Variants in SEPTIN9 observed in about 807,000 individuals in gnomAD.
SEPTIN9 encodes septin-9.
Under a neutral mutation model 56.6 loss-of-function variants are expected in SEPTIN9, and 13 were observed. The ratio of observed to expected loss-of-function variants is 0.23; its 90% CI spans 0.15 to 0.37. The LOEUF (loss-of-function observed/expected upper bound fraction) is 0.37, where lower values mean the gene tolerates loss of function less well. SEPTIN9 is among the 10% of genes least tolerant of loss of function. SEPTIN9 has a pLI of 1.00. For missense variants in SEPTIN9, 650 were observed against 823.1 expected (o/e 0.79, Z 2.57); for synonymous variants, 332 against 334.1 (o/e 0.99, Z 0.07).
rs150403514 is a variant in SEPTIN9 at position 77,291,563 on chromosome 17, C to T, written c.19+10009C>T. Among the ~76,000 whole-genome samples, 253 of 152,016 alleles carry T rather than the reference C, an allele frequency of 1.7e-3. 4 individuals are homozygous for T. In the East Asian group the frequency reaches 0.047, roughly 28 times the overall value. On this transcript the variant is annotated intron_variant, in intron 1 of 11. Coordinates refer to ENST00000427177, the MANE Select transcript of SEPTIN9 (RefSeq NM_001113491.2). Reference sequence around the variant, plus strand: ...AGGAGAATTGCTTGAATCTAGGAGGCGGGGGTTGCAGTGAGCTGAGATCGT... The same window carrying T: ...AGGAGAATTGCTTGAATCTAGGAGGTGGGGGTTGCAGTGAGCTGAGATCGT...
Position 77,425,206 on chromosome 17 carries a change from G to A in SEPTIN9, c.721+22503G>A, listed in dbSNP as rs113628642. Among the ~76,000 whole-genome samples, 11 of 152,234 alleles carry A rather than the reference G, an allele frequency of 7.2e-5. 1 individual carries two copies. Among genetic ancestry groups the A allele is most frequent in the African/African-American group, 2.4e-4 (10 of 41,530 alleles). ...AAGATGGGCCCAGCTGTGGGAGGTC[G>A]TGCGGGCTGGGGACTGAGAGTGCCG... is the stretch of plus-strand genomic sequence containing the variant. On this transcript the variant is annotated intron_variant, in intron 3 of 11. Coordinates refer to ENST00000427177, the MANE Select transcript of SEPTIN9 (RefSeq NM_001113491.2). This position sits in a 1 kb window ranked among gnomAD's most constrained non-coding sequence, Gnocchi z 4.2.
At chr17:77,464,266 C>T (rs1249085839) in intron 3 of SEPTIN9, among the ~76,000 whole-genome samples, 1 of 151,980 alleles carries the variant, frequency 6.6e-6, no homozygotes, top group Non-Finnish European at 1.5e-5. Context: ...TTAGTAGAGA[C>T]GGTGTTTCAC....
chr17:77,461,033 G>A (rs1197802361), intron 3 of SEPTIN9, among the ~76,000 whole-genome samples: 1 of 152,126 alleles, frequency 6.6e-6, no homozygotes, highest in African/African-American at 2.4e-5. Context: ...GGCTGGGCTT[G>A]GTGGCTCACA....
In SEPTIN9 at chr17:77,319,466, AG is replaced by A. The variant is rs2032822944; in HGVS notation, c.76+12271del. 1.5e-5 allele frequency: 12 copies of A among 815,930 alleles called. No homozygotes were observed. Among genetic ancestry groups the A allele is most frequent in the Non-Finnish European group, 1.8e-5 (12 of 661,888 alleles). 50.5% of individuals were successfully genotyped at this position (815,930 alleles called of 1,614,324 possible). On this transcript the variant is annotated intron_variant, in intron 2 of 11. Transcript: ENST00000427177. This position sits in a 1 kb window ranked among gnomAD's most constrained non-coding sequence, Gnocchi z 5.3. ...CATGCGTGTGTGGTAGGAATCTTCC[AG>A]GAAGTCCCCGTCCCGTTCGCCCTCT...
chr17:77,453,012 C>G lies in SEPTIN9; in HGVS notation c.722-29132C>G, dbSNP rs2038045061. On this transcript the variant is annotated intron_variant, in intron 3 of 11. Coordinates refer to ENST00000427177, the MANE Select transcript of SEPTIN9 (RefSeq NM_001113491.2). This position sits in a 1 kb window ranked among gnomAD's most constrained non-coding sequence, Gnocchi z 4.4. ...CTGGAGACCTGAGTTGCTGCTGACT[C>G]CCAGCTTGCCCCTTCTGTCCCCTGG... 6.6e-6 allele frequency among the ~76,000 whole-genome samples: 1 copy of G among 151,582 alleles called. No individual in the cohort carries two copies. The highest frequency in any genetic ancestry group is 2.4e-5 in the African/African-American group (1 of 41,168).
chr17:77,443,327 G>A (rs1358838740), intron 3 of SEPTIN9, among the ~76,000 whole-genome samples: 1 of 152,166 alleles, frequency 6.6e-6, no homozygotes, highest in Non-Finnish European at 1.5e-5. Flanking sequence ...TGGGGCCATT[G>A]CTGATCTACA....
At chr17:77,363,095 G>C (rs1268731125) in intron 2 of SEPTIN9, among the ~76,000 whole-genome samples, 1 of 152,214 alleles carries the variant, frequency 6.6e-6, no homozygotes, top group Non-Finnish European at 1.5e-5. Context: ...GCTCCACTCT[G>C]TATGCACCAG....
At chr17:77,304,235 C>T (rs140781038) in intron 1 of SEPTIN9, among the ~76,000 whole-genome samples, 1 of 152,370 alleles carries the variant, frequency 6.6e-6, no homozygotes, top group East Asian at 1.9e-4. Context: ...TGTTCAAGAG[C>T]AGGGGATGCT....
At chr17:77,363,549 G>A (rs2034485346) in intron 2 of SEPTIN9, among the ~76,000 whole-genome samples, 1 of 151,698 alleles carries the variant, frequency 6.6e-6, no homozygotes, top group African/African-American at 2.4e-5. Context: ...CACCACACCC[G>A]GCTAATTTTT....
Position 77,290,207 on chromosome 17 carries a change from G to T in SEPTIN9, c.19+8653G>T, listed in dbSNP as rs534902468. Among the ~76,000 whole-genome samples, 7 of 152,148 alleles carry T rather than the reference G, an allele frequency of 4.6e-5. No individual in the cohort carries two copies. In the South Asian group the frequency reaches 1.5e-3, roughly 32 times the overall value. ...GCCATGCTTATAGCTTTGGGCCTGG[G>T]GCTAGGTGGAGACTGGCTTCAACCC... On this transcript the variant is annotated intron_variant, in intron 1 of 11. Transcript: ENST00000427177.
intron 3 of SEPTIN9, among the ~76,000 whole-genome samples, chr17:77,407,701 T>G (rs1432367523): frequency 6.6e-6 from 1 of 152,158 alleles, no homozygotes; most frequent in African/African-American, 2.4e-5. Flanking sequence ...GGTCTGAGCT[T>G]TATGCTGGTG....
At chr17:77,372,340 G>A (rs531618070) in intron 2 of SEPTIN9, among the ~76,000 whole-genome samples, 1 of 152,300 alleles carries the variant, frequency 6.6e-6, no homozygotes, top group African/African-American at 2.4e-5. Flanking sequence ...CTCAAGTTCT[G>A]TGTCTAACCC....
intron 2 of SEPTIN9, among the ~76,000 whole-genome samples, chr17:77,312,666 G>C (rs12603636): frequency 6.6e-6 from 1 of 152,152 alleles, no homozygotes; most frequent in Non-Finnish European, 1.5e-5. Context: ...ATGCTTGGGA[G>C]AATTGCCCAA....
At chr17:77,444,527 C>T (rs549174466) in intron 3 of SEPTIN9, among the ~76,000 whole-genome samples, 2 of 151,888 alleles carry the variant, frequency 1.3e-5, no homozygotes, top group South Asian at 4.2e-4. Flanking sequence ...AGACAGTGTT[C>T]CAAGGGGGAG....
intron 3 of SEPTIN9, among the ~76,000 whole-genome samples, chr17:77,467,506 C>G (rs1025545654): frequency 5.2e-5 from 5 of 96,142 alleles, no homozygotes; most frequent in Admixed American, 1.1e-4. Context: ...AGCCAGGCCC[C>G]AAGTCCCCAC....
chr17:77,419,151 C>T (rs922616577), intron 3 of SEPTIN9, among the ~76,000 whole-genome samples: 38 of 152,304 alleles, frequency 2.5e-4, no homozygotes, highest in African/African-American at 7.2e-4. Context: ...TGGGAACCCC[C>T]GAGGGGAGGG....
chr17:77,431,134 C>T (rs1406145002), intron 3 of SEPTIN9, among the ~76,000 whole-genome samples: 3 of 152,128 alleles, frequency 2.0e-5, no homozygotes, highest in Non-Finnish European at 2.9e-5. Context: ...TGAGGCCAGG[C>T]GTTCGAGACC....
At chr17:77,372,639 G>C (rs2034757253) in intron 2 of SEPTIN9, among the ~76,000 whole-genome samples, 1 of 152,260 alleles carries the variant, frequency 6.6e-6, no homozygotes, top group African/African-American at 2.4e-5. Context: ...TGACAGCCGT[G>C]TTCCATCCCC....
chr17:77,324,640 A>G (rs1318494235), intron 2 of SEPTIN9, among the ~76,000 whole-genome samples: 1 of 152,172 alleles, frequency 6.6e-6, no homozygotes, highest in African/African-American at 2.4e-5. Context: ...ATTTGCACAT[A>G]TTCTTGCAGA....
Sources: gnomAD v4.1 joint callset for allele counts (sites outside exome capture counted in the v4.1 genomes callset) on GRCh38, gnomAD v4.1.1 for gene constraint, Gnocchi (gnomAD v3.1) non-coding constraint, MANE v1.5 for transcripts, NCBI Gene and HGNC (gene_info 2026-07-23, HGNC 2026-07-21) for gene names.